The following MAN1C1 variants were observed in gnomAD, a reference collection of about 807,000 sequenced individuals.
The protein encoded by MAN1C1 is mannosyl-oligosaccharide 1,2-alpha-mannosidase IC.
A neutral mutation model predicts 71.5 loss-of-function variants in MAN1C1; 49 were observed. That is an observed-to-expected ratio of 0.69 (90% confidence interval 0.54 to 0.87). The LOEUF is 0.87. Among genes scored for constraint, MAN1C1 ranks in the 40% least tolerant of loss-of-function variants. The probability of loss-of-function intolerance (pLI) is 0.00; values close to 1 mark genes in which losing one functional copy is unlikely to be tolerated. For missense variants in MAN1C1, 743 were observed against 835.0 expected (o/e 0.89, Z 1.36); for synonymous variants, 352 against 343.7 (o/e 1.02, Z -0.27).
chr1:25,624,998 A>ATTTT lies in MAN1C1; in HGVS notation c.540+6683_540+6686dup, dbSNP rs1032269792. Among the ~76,000 whole-genome samples, 200 of 101,600 alleles carry ATTTT rather than the reference A, an allele frequency of 2.0e-3. 8 individuals are homozygous for ATTTT. The highest frequency in any genetic ancestry group is 6.9e-3 in the African/African-American group (154 of 22,406). 66.7% of individuals were successfully genotyped at this position (101,600 alleles called of 152,430 possible). ...TTAATACATATAGCGAAATGCACAG[A>ATTTT]TTTTTTTTTTTTTTTTTTTTTTTTT... is the stretch of plus-strand genomic sequence containing the variant. On this transcript the variant is annotated intron_variant, in intron 1 of 11. Transcript: ENST00000374332.
chr1:25,733,911 T>C (rs1203790386), intron 2 of MAN1C1, among the ~76,000 whole-genome samples: 1 of 151,920 alleles, frequency 6.6e-6, no homozygotes, highest in Non-Finnish European at 1.5e-5. Context: ...GCCATTCTCC[T>C]GCCTCTGCCT....
intron 2 of MAN1C1, among the ~76,000 whole-genome samples, chr1:25,728,219 C>T (rs957034939): frequency 1.5e-4 from 23 of 152,168 alleles, no homozygotes; most frequent in Admixed American, 1.2e-3. Context: ...CGAGCTTCTC[C>T]GGGCCTTAGC....
intron 3 of MAN1C1, among the ~76,000 whole-genome samples, chr1:25,747,248 G>A (rs2047142814): frequency 6.6e-6 from 1 of 152,224 alleles, no homozygotes; most frequent in African/African-American, 2.4e-5. Flanking sequence ...CGTGGAGTGG[G>A]TGGTGCATAT....
intron 5 of MAN1C1, among the ~76,000 whole-genome samples, chr1:25,756,417 G>A (rs1379049937): frequency 6.6e-6 from 1 of 152,196 alleles, no homozygotes; most frequent in Non-Finnish European, 1.5e-5. Context: ...CACTTGGGAG[G>A]GTGAGCATGT....
intron 7 of MAN1C1, among the ~76,000 whole-genome samples, chr1:25,765,416 C>T (rs150955928): frequency 3.2e-4 from 48 of 152,346 alleles, no homozygotes; most frequent in Admixed American, 1.9e-3. Flanking sequence ...GCCCCCACCC[C>T]CACTGTCTGT....
At chr1:25,676,162 G>A (rs908926610) in intron 1 of MAN1C1, among the ~76,000 whole-genome samples, 1 of 152,210 alleles carries the variant, frequency 6.6e-6, no homozygotes, top group Non-Finnish European at 1.5e-5. Context: ...CAGACAGGAT[G>A]CGATTCCTGA....
chr1:25,768,871 T>TC (rs2047502090), intron 7 of MAN1C1, among the ~76,000 whole-genome samples: 1 of 120,508 alleles, frequency 8.3e-6, no homozygotes, highest in Non-Finnish European at 1.7e-5. Context: ...CTACACACAC[T>TC]CCCCTCACAC....
Position 25,704,431 on chromosome 1 carries a change from G to A in MAN1C1, c.637+17895G>A, listed in dbSNP as rs559949585. ...CCAATCCCAGACAGCAGGACCATGT[G>A]GCTCCCAATGTGGAGATAAGAGGGA... On this transcript the variant is annotated intron_variant, in intron 2 of 11. Transcript: ENST00000374332. Among the ~76,000 whole-genome samples, 27 of 152,334 alleles carry A rather than the reference G, an allele frequency of 1.8e-4. 1 individual carries two copies. The South Asian group carries it at 5.6e-3, about 32-fold the overall frequency.
chr1:25,764,749 C>T lies in MAN1C1; in HGVS notation c.1141+782C>T, dbSNP rs1228372412. On this transcript the variant is annotated intron_variant, in intron 7 of 11. Transcript: ENST00000374332. The surrounding 1 kb of genome is among the most constrained non-coding windows in gnomAD (Gnocchi z 4.4). ...TTAATTTAAAAAACAAACAAACAAA[C>T]AAACAAACAAAAACCATACAACAGT... Among the ~76,000 whole-genome samples the T allele has an allele frequency of 6.6e-6, 1 of 151,988 alleles. No homozygotes were observed. The highest frequency in any genetic ancestry group is 2.1e-4 in the South Asian group (1 of 4,816).
At position 25,778,071 on chromosome 1, in the gene MAN1C1, C is replaced by G. The variant is rs548584901; in HGVS notation, c.1258-34C>G. The stretch of plus-strand genomic sequence containing the variant: ...CCCCTTCTCTGTGCCCTCCCACGCC[C>G]CTTCTCCCTGCCCAATCCCCACCTT... On this transcript the variant is annotated intron_variant, in intron 8 of 11. Transcript: ENST00000374332. The surrounding 1 kb of genome is among the most constrained non-coding windows in gnomAD (Gnocchi z 5.5). The G allele has an allele frequency of 1.0e-5, 15 of 1,487,036 alleles. No homozygotes were observed. The highest frequency in any genetic ancestry group is 1.4e-5 in the Non-Finnish European group (15 of 1,101,168). The allele number at this position is 1,487,036 out of a possible 1,614,324, so 92.1% of individuals were successfully genotyped here.
chr1:25,709,279 C>T (rs2046570245), intron 2 of MAN1C1, among the ~76,000 whole-genome samples: 1 of 152,184 alleles, frequency 6.6e-6, no homozygotes, highest in African/African-American at 2.4e-5. Flanking sequence ...GGCAGTAAGA[C>T]CGGCTAAGCT....
intron 1 of MAN1C1, among the ~76,000 whole-genome samples, chr1:25,626,956 T>C (rs2045303950): frequency 6.6e-6 from 1 of 152,212 alleles, no homozygotes; most frequent in South Asian, 2.1e-4. Flanking sequence ...AAAAAAAACT[T>C]TGCCTACCCC....
intron 10 of MAN1C1, among the ~76,000 whole-genome samples, chr1:25,781,531 C>A (rs1005187920): frequency 1.7e-4 from 26 of 152,162 alleles, no homozygotes; most frequent in African/African-American, 6.3e-4. Flanking sequence ...CCTGAGGGAC[C>A]CCCCCACCCT....
intron 2 of MAN1C1, among the ~76,000 whole-genome samples, chr1:25,733,591 C>T (rs2046939851): frequency 6.6e-6 from 1 of 152,126 alleles, no homozygotes; most frequent in Non-Finnish European, 1.5e-5. Context: ...CTGCATCACA[C>T]ACGTTACATT....
chr1:25,673,708 A>G (rs1388859503), intron 1 of MAN1C1, among the ~76,000 whole-genome samples: 2 of 152,160 alleles, frequency 1.3e-5, no homozygotes, highest in Non-Finnish European at 2.9e-5. Context: ...CGTCACAGAG[A>G]TGTGGTGAAA....
chr1:25,654,803 C>G (rs559392949), intron 1 of MAN1C1, among the ~76,000 whole-genome samples: 1 of 152,048 alleles, frequency 6.6e-6, no homozygotes, highest in African/African-American at 2.4e-5. Context: ...CACACCACCA[C>G]GCCTAGCTAA....
At chr1:25,620,352 T>G (rs891494657) in intron 1 of MAN1C1, among the ~76,000 whole-genome samples, 2 of 152,172 alleles carry the variant, frequency 1.3e-5, no homozygotes, top group African/African-American at 4.8e-5. Context: ...TTACTAATCT[T>G]GAAGAAGAGA....
At chr1:25,657,639 G>A (rs1415987919) in intron 1 of MAN1C1, among the ~76,000 whole-genome samples, 1 of 152,184 alleles carries the variant, frequency 6.6e-6, no homozygotes. Flanking sequence ...CCCATTTGGG[G>A]GTTTGGGGGC....
At chr1:25,667,145 C>G (rs1319101081) in intron 1 of MAN1C1, among the ~76,000 whole-genome samples, 2 of 152,106 alleles carry the variant, frequency 1.3e-5, no homozygotes, top group Non-Finnish European at 2.9e-5. Flanking sequence ...AGCTCAAAAT[C>G]CCACCAGTTG....
Sources: allele counts gnomAD v4.1 joint callset (sites outside exome capture counted in the v4.1 genomes callset), GRCh38; gene constraint gnomAD v4.1.1; non-coding constraint Gnocchi (gnomAD v3.1); transcripts MANE v1.5; gene names NCBI Gene and HGNC (gene_info 2026-07-23, HGNC 2026-07-21).